Variants in VEPH1 observed in about 807,000 individuals in gnomAD.
The protein encoded by VEPH1 is ventricular zone expressed PH domain containing 1.
A neutral mutation model predicts 85.2 loss-of-function variants in VEPH1; 80 were observed. The observed-to-expected ratio is 0.94, with a 90% confidence interval of 0.78 to 1.13. The LOEUF is 1.13. Ranked by LOEUF, VEPH1 falls within the 50% of genes most tolerant of loss-of-function variation. VEPH1 has a pLI of 0.00. For synonymous variants in VEPH1, 297 were observed against 348.0 expected, an observed-to-expected ratio of 0.85 and a Z score of 1.63; for missense variants, 955 against 980.5, an observed-to-expected ratio of 0.97 and a Z score of 0.35.
At chr3:157,407,300 T>G (rs1422248905) in intron 6 of VEPH1, among the ~76,000 whole-genome samples, 1 of 152,190 alleles carries the variant, frequency 6.6e-6, no homozygotes, top group African/African-American at 2.4e-5. Context: ...GCTGTTTATA[T>G]AGCTGGGGAG....
At chr3:157,481,922 G>A (rs1459829294) in intron 2 of VEPH1, among the ~76,000 whole-genome samples, 1 of 149,968 alleles carries the variant, frequency 6.7e-6, no homozygotes, top group African/African-American at 2.5e-5. Flanking sequence ...ACATTGCTAA[G>A]TTTTTGACTT....
intron 11 of VEPH1, among the ~76,000 whole-genome samples, chr3:157,296,390 T>C (rs960619330): frequency 6.6e-6 from 1 of 152,044 alleles, no homozygotes; most frequent in Admixed American, 6.5e-5. Flanking sequence ...GGTCAGACTC[T>C]GTGAGGAAGA....
chr3:157,416,205 C>T (rs1470730666), intron 5 of VEPH1, among the ~76,000 whole-genome samples: 3 of 152,158 alleles, frequency 2.0e-5, no homozygotes, highest in Non-Finnish European at 4.4e-5. Flanking sequence ...CTCCCCCACC[C>T]TATAGTAGTT....
chr3:157,393,563 A>G (rs957321014), intron 6 of VEPH1, among the ~76,000 whole-genome samples: 2 of 152,240 alleles, frequency 1.3e-5, no homozygotes, highest in Non-Finnish European at 2.9e-5. Context: ...ACTGTTTTCA[A>G]TATCAGGTAT....
intron 4 of VEPH1, chr3:157,443,207 T>C (rs944044118): frequency 2.1e-6 from 1 of 478,352 alleles, no homozygotes; most frequent in Non-Finnish European, 3.6e-6. Flanking sequence ...GCCATGGTGC[T>C]TTCAGTTTAA....
chr3:157,493,085 A>T (rs1286974754), intron 2 of VEPH1: 1 of 350,802 alleles, frequency 2.9e-6, no homozygotes, highest in Non-Finnish European at 5.6e-6. Flanking sequence ...GGCACTCATG[A>T]GTAGGGAACC....
At chr3:157,267,963 C>T (rs181080232) in intron 12 of VEPH1, among the ~76,000 whole-genome samples, 2 of 152,160 alleles carry the variant, frequency 1.3e-5, no homozygotes. Flanking sequence ...TGATAAGACC[C>T]CCAATCTTCT....
intron 7 of VEPH1, among the ~76,000 whole-genome samples, chr3:157,374,454 A>C (rs1041951123): frequency 1.3e-5 from 2 of 152,198 alleles, no homozygotes; most frequent in African/African-American, 4.8e-5. Context: ...GCTTTCAAAG[A>C]ATTAATTTCT....
At position 157,294,628 on chromosome 3, in the gene VEPH1, C is replaced by T. The variant is rs993551902; in HGVS notation, c.2011-7954G>A. Among the ~76,000 whole-genome samples, 7 of 152,202 alleles carry T rather than the reference C, an allele frequency of 4.6e-5. No homozygotes were observed. In the East Asian group the frequency reaches 9.6e-4, roughly 21 times the overall value. ...TGATGTAATGATGAATATTCTTACA[C>T]GTGTTCCCTTGTGGATGTGAGCAAA... On this transcript the variant is annotated intron_variant, in intron 11 of 13. Transcript: ENST00000362010.
chr3:157,381,710 C>A, intron 6 of VEPH1: 1 of 222,168 alleles, frequency 4.5e-6, no homozygotes, highest in Non-Finnish European at 8.9e-6. Flanking sequence ...CAGAGGGAGA[C>A]TCGGTCTCAG....
At chr3:157,413,326 A>T in intron 6 of VEPH1, 1 of 342,220 alleles carries the variant, frequency 2.9e-6, no homozygotes, top group Non-Finnish European at 4.1e-6. Flanking sequence ...ACATCCACAA[A>T]CGTTTATTTC....
intron 2 of VEPH1, among the ~76,000 whole-genome samples, chr3:157,470,997 A>G (rs1294429213): frequency 6.6e-6 from 1 of 152,178 alleles, no homozygotes; most frequent in South Asian, 2.1e-4. Flanking sequence ...TCAAATAACT[A>G]CAAAACCCAT....
intron 4 of VEPH1, among the ~76,000 whole-genome samples, chr3:157,431,501 C>A (rs1397282977): frequency 6.6e-6 from 1 of 152,136 alleles, no homozygotes; most frequent in Non-Finnish European, 1.5e-5. Context: ...CTTTTAAGGA[C>A]CCTTGTGATT....
chr3:157,395,222 AG>A (rs1242525356), intron 6 of VEPH1, among the ~76,000 whole-genome samples: 1 of 152,216 alleles, frequency 6.6e-6, no homozygotes, highest in Non-Finnish European at 1.5e-5. Context: ...AATTGCATGT[AG>A]GAAAGGCAAA....
intron 6 of VEPH1, among the ~76,000 whole-genome samples, chr3:157,381,952 C>G (rs1398022729): frequency 6.6e-6 from 1 of 152,158 alleles, no homozygotes; most frequent in Non-Finnish European, 1.5e-5. Flanking sequence ...TCTCAACCAT[C>G]ATAAATGATG....
Position 157,485,883 on chromosome 3 carries a change from T to C in VEPH1, c.138+9329A>G, listed in dbSNP as rs568543382. Among the ~76,000 whole-genome samples the C allele has an allele frequency of 2.6e-5, 4 of 152,220 alleles. No homozygotes were observed. The East Asian group carries it at 7.7e-4, about 29-fold the overall frequency. On this transcript the variant is annotated intron_variant, in intron 2 of 13. Coordinates refer to ENST00000362010, the MANE Select transcript of VEPH1 (RefSeq NM_001167912.2). The stretch of plus-strand genomic sequence containing the variant: ...TTATTAGGAATAAAAATGCTCAGTA[T>C]ATACTAATGAAAAGAAAAGTTCTCC...
chr3:157,449,755 T>C (rs1304071474), intron 4 of VEPH1, among the ~76,000 whole-genome samples: 1 of 152,192 alleles, frequency 6.6e-6, no homozygotes, highest in East Asian at 1.9e-4. Context: ...TCACTAAATT[T>C]ATTGAAAATT....
intron 6 of VEPH1, among the ~76,000 whole-genome samples, chr3:157,412,877 C>A (rs1731635631): frequency 6.6e-6 from 1 of 152,026 alleles, no homozygotes; most frequent in African/African-American, 2.4e-5. Flanking sequence ...CAAACAGCAC[C>A]AAAGATGCAT....
intron 4 of VEPH1, chr3:157,437,779 C>T: frequency 6.8e-7 from 1 of 1,476,062 alleles, no homozygotes; most frequent in Non-Finnish European, 8.9e-7. Flanking sequence ...CAGGCTGGCG[C>T]GTATGGAGGG....
Sources: gnomAD v4.1 joint callset for allele counts (sites outside exome capture counted in the v4.1 genomes callset) on GRCh38, gnomAD v4.1.1 for gene constraint, MANE v1.5 for transcripts, NCBI Gene and HGNC (gene_info 2026-07-23, HGNC 2026-07-21) for gene names.